The following NR2F1-AS1 variants were observed in gnomAD, a reference collection of about 807,000 sequenced individuals.
NR2F1-AS1 encodes the protein NR2F1 antisense RNA 1.
chr5:93,468,936 T>C (rs1311289755), intron 4 of NR2F1-AS1, among the ~76,000 whole-genome samples: 1 of 152,204 alleles, frequency 6.6e-6, no homozygotes, highest in Non-Finnish European at 1.5e-5. Context: ...TTCTCAGGTT[T>C]GTCAAAGATC....
At chr5:93,461,795 T>A (rs1750100462) in intron 4 of NR2F1-AS1, among the ~76,000 whole-genome samples, 1 of 152,222 alleles carries the variant, frequency 6.6e-6, no homozygotes, top group Admixed American at 6.5e-5. Flanking sequence ...CTTAACGGAC[T>A]ATAGAAGTAG....
chr5:93,495,041 C>A (rs1350546691), intron 4 of NR2F1-AS1, among the ~76,000 whole-genome samples: 1 of 151,954 alleles, frequency 6.6e-6, no homozygotes, highest in Non-Finnish European at 1.5e-5. Flanking sequence ...AAGAAAAATT[C>A]CTTCTACATG....
At chr5:93,490,596 TGGTGGC>T (rs1178949119) in intron 4 of NR2F1-AS1, among the ~76,000 whole-genome samples, 1 of 145,842 alleles carries the variant, frequency 6.9e-6, no homozygotes, top group African/African-American at 2.5e-5. Flanking sequence ...GTGATGGTGG[TGGTGGC>T]GGTGGCAGTG....
chr5:93,558,734 T>C (rs1375913646), intron 2 of NR2F1-AS1, among the ~76,000 whole-genome samples: 2 of 152,228 alleles, frequency 1.3e-5, no homozygotes, highest in Non-Finnish European at 2.9e-5. Context: ...AATCTCCTTG[T>C]ACATCTCCCT....
chr5:93,495,583 A>G (rs1750941876), intron 4 of NR2F1-AS1, among the ~76,000 whole-genome samples: 1 of 152,120 alleles, frequency 6.6e-6, no homozygotes, highest in South Asian at 2.1e-4. Flanking sequence ...TGTAATGGAG[A>G]TAAGTTAAGA....
At chr5:93,534,737 T>C (rs1303543377) in intron 4 of NR2F1-AS1, among the ~76,000 whole-genome samples, 1 of 152,136 alleles carries the variant, frequency 6.6e-6, no homozygotes, top group Non-Finnish European at 1.5e-5. Context: ...AGGAAACAAG[T>C]AAATTACGAT....
intron 4 of NR2F1-AS1, among the ~76,000 whole-genome samples, chr5:93,510,605 A>T (rs1751275324): frequency 6.6e-6 from 1 of 152,024 alleles, no homozygotes; most frequent in South Asian, 2.1e-4. Flanking sequence ...TCCTCCAGCT[A>T]TTTTCTTTTA....
intron 4 of NR2F1-AS1, among the ~76,000 whole-genome samples, chr5:93,489,815 C>A (rs946046662): frequency 6.6e-6 from 1 of 152,182 alleles, no homozygotes; most frequent in African/African-American, 2.4e-5. Flanking sequence ...GAGATCACAT[C>A]TTGCATTCCA....
chr5:93,458,198 C>T (rs909953462), intron 4 of NR2F1-AS1, among the ~76,000 whole-genome samples: 4 of 152,164 alleles, frequency 2.6e-5, no homozygotes, highest in Non-Finnish European at 4.4e-5. Context: ...ACAGAGGACC[C>T]GCGCTGGCCA....
intron 4 of NR2F1-AS1, among the ~76,000 whole-genome samples, chr5:93,505,682 T>C (rs1038450629): frequency 3.9e-5 from 6 of 152,206 alleles, no homozygotes; most frequent in Non-Finnish European, 7.4e-5. Context: ...AAGCTTTACA[T>C]TGGCCCCTTT....
chr5:93,509,644 C>A (rs1751255841), intron 4 of NR2F1-AS1, among the ~76,000 whole-genome samples: 1 of 151,388 alleles, frequency 6.6e-6, no homozygotes, highest in Admixed American at 6.6e-5. Flanking sequence ...TATTTCTTTA[C>A]AACAAAAATA....
intron 4 of NR2F1-AS1, among the ~76,000 whole-genome samples, chr5:93,418,036 G>T (rs1039259389): frequency 1.3e-5 from 2 of 152,104 alleles, no homozygotes; most frequent in African/African-American, 4.8e-5. Context: ...GCTGCCACAT[G>T]CCTCTCTGCA....
chr5:93,434,215 T>C (rs1482062115), intron 4 of NR2F1-AS1, among the ~76,000 whole-genome samples: 1 of 152,154 alleles, frequency 6.6e-6, no homozygotes, highest in Non-Finnish European at 1.5e-5. Flanking sequence ...GATCTTCAAA[T>C]TATATTCAGG....
intron 4 of NR2F1-AS1, among the ~76,000 whole-genome samples, chr5:93,552,732 C>G (rs1752260733): frequency 6.6e-6 from 1 of 151,048 alleles, no homozygotes; most frequent in Non-Finnish European, 1.5e-5. Flanking sequence ...CTTTGACAAC[C>G]TGACAATGGT....
At chr5:93,585,479 G>A, upstream of NR2F1-AS1, 1 of 1,611,018 alleles carries the variant, frequency 6.2e-7, no homozygotes. Flanking sequence ...TGGGCATGAG[G>A]CGGGAAGGTG....
At chr5:93,558,988 G>T (rs891169176) in intron 2 of NR2F1-AS1, among the ~76,000 whole-genome samples, 17 of 152,208 alleles carry the variant, frequency 1.1e-4, no homozygotes, top group Non-Finnish European at 5.9e-5. Context: ...TCATCTTAAA[G>T]TCACCAGCTG....
At chr5:93,509,129 C>T (rs944437344) in intron 4 of NR2F1-AS1, among the ~76,000 whole-genome samples, 3 of 152,082 alleles carry the variant, frequency 2.0e-5, no homozygotes, top group African/African-American at 7.2e-5. Flanking sequence ...AAATGCAGTA[C>T]ATTCATATAA....
At chr5:93,574,988 A>G (rs527526797) in intron 1 of NR2F1-AS1, among the ~76,000 whole-genome samples, 1 of 152,364 alleles carries the variant, frequency 6.6e-6, no homozygotes, top group African/African-American at 2.4e-5. Flanking sequence ...CCCAACTTCA[A>G]ACTTTAGAAC....
rs574989242 is a variant in NR2F1-AS1, at chr5:93,461,225, C to T, written n.639-65683G>A. On this transcript the variant is annotated intron_variant and non_coding_transcript_variant, in intron 4 of 5. Coordinates refer to ENST00000660523, the Ensembl canonical transcript of NR2F1-AS1. Reference sequence around the variant, plus strand: ...GAAGCCATAATCTTCCACAAACTAACAGAGGAACACAAATCCAAATACCAC... The same window carrying T: ...GAAGCCATAATCTTCCACAAACTAATAGAGGAACACAAATCCAAATACCAC... Among the ~76,000 whole-genome samples the T allele has an allele frequency of 8.5e-5, 13 of 152,274 alleles. No homozygotes were observed. The East Asian group carries it at 2.3e-3, about 27-fold the overall frequency.
Sources: allele counts gnomAD v4.1 joint callset (sites outside exome capture counted in the v4.1 genomes callset), GRCh38; gene constraint gnomAD v4.1.1; transcripts MANE v1.5; gene names NCBI Gene and HGNC (gene_info 2026-07-23, HGNC 2026-07-21).